Variants in SV2B observed in about 807,000 individuals in gnomAD.
SV2B encodes solute carrier family 22 member B2.
SV2B carries 41 observed loss-of-function variants against 73.9 expected under a neutral mutation model. The observed-to-expected ratio is 0.56, with a 90% CI of 0.43 to 0.72. The LOEUF (loss-of-function observed/expected upper bound fraction) is 0.72, where lower values mean the gene tolerates loss of function less well. Among genes scored for constraint, SV2B ranks in the 30% least tolerant of loss-of-function variants. The pLI is 0.00. For missense variants in SV2B, 764 were observed against 857.8 expected (o/e 0.89, Z 1.37); for synonymous variants, 314 against 314.2 (o/e 1.00, Z 0.01).
At position 91,229,907 on chromosome 15, in the gene SV2B, A is replaced by T. The variant is rs1235680469; in HGVS notation, c.451+3193A>T. 6.6e-6 allele frequency among the ~76,000 whole-genome samples: 1 copy of T among 152,162 alleles called. No individual in the cohort carries two copies. Among genetic ancestry groups the T allele is most frequent in the Non-Finnish European group, 1.5e-5 (1 of 68,020 alleles). ...AGGCTGTTTATGTTTGAGTGCTGCT[A>T]ACTCAGTTCTGTCTTTCCCCATCCT... On this transcript the variant is annotated intron_variant, in intron 2 of 12. Coordinates refer to ENST00000394232, the MANE Select transcript of SV2B (RefSeq NM_001323032.3). The surrounding 1 kb of genome is among the most constrained non-coding windows in gnomAD (Gnocchi z 4.3).
At position 91,136,996 on chromosome 15, in the gene SV2B, C is replaced by A. The variant is rs1288250994; in HGVS notation, c.-392+36633C>A. Among the ~76,000 whole-genome samples, 1 of 152,100 alleles carries A rather than the reference C, an allele frequency of 6.6e-6. No homozygotes were observed. The highest frequency in any genetic ancestry group is 2.4e-5 in the African/African-American group (1 of 41,400). On this transcript the variant is annotated intron_variant, in intron 1 of 12. Transcript: ENST00000394232. This position sits in a 1 kb window ranked among gnomAD's most constrained non-coding sequence, Gnocchi z 5.6. ...AAAATTTGATCCACGCAGAAGACAA[C>A]CTGCAGGCAAAGCAAAAGCACTGGT...
In SV2B at chr15:91,292,764, C is replaced by T. The variant is rs1267673183; in HGVS notation, c.*212C>T. Reference sequence around the variant, plus strand: ...GGGTGCCCTGAGCCACCCTTAGAATCACAGAGCTGCGTGTTTAACTTCAAG... The same window carrying T: ...GGGTGCCCTGAGCCACCCTTAGAATTACAGAGCTGCGTGTTTAACTTCAAG... On this transcript the variant is annotated 3_prime_UTR_variant, in exon 13 of 13. Transcript: ENST00000394232. The T allele has an allele frequency of 4.0e-6, 2 of 505,866 alleles. No individual in the cohort carries two copies. Among genetic ancestry groups the T allele is most frequent in the Non-Finnish European group, 6.8e-6 (2 of 295,690 alleles). 31.3% of individuals were successfully genotyped at this position (505,866 alleles called of 1,614,324 possible).
chr15:91,110,225 A>G lies in SV2B; in HGVS notation c.-392+9862A>G, dbSNP rs1237104802. Among the ~76,000 whole-genome samples, 8 of 152,214 alleles carry G rather than the reference A, an allele frequency of 5.3e-5. No individual in the cohort carries two copies. Among genetic ancestry groups the G allele is most frequent in the Non-Finnish European group, 1.2e-4 (8 of 68,032 alleles). On this transcript the variant is annotated intron_variant, in intron 1 of 12. Coordinates refer to ENST00000394232, the MANE Select transcript of SV2B (RefSeq NM_001323032.3). The surrounding 1 kb of genome is among the most constrained non-coding windows in gnomAD (Gnocchi z 5.4). Reference sequence around the variant, plus strand: ...TGTAATTTATAAGAAAAGAGGTTTAATTGGCTCCTGGATTCATACAGTAAG... The same window carrying G: ...TGTAATTTATAAGAAAAGAGGTTTAGTTGGCTCCTGGATTCATACAGTAAG...
Position 91,292,382 on chromosome 15 carries a change from G to A in SV2B, c.1882G>A (p.Gly628Ser), listed in dbSNP as rs369020412. ...YPTNQRATAF[G>S]ILNGLCKFGA... ...CCTCTTTTACAGAGCAACAGCCTTC[G>A]GCATTCTCAATGGATTATGCAAATT... Residue 628 changes from glycine (G) to serine (S), a missense_variant, in exon 13 of 13, where the codon GGC becomes AGC. By Grantham distance (56) the Gly-to-Ser change is moderately conservative (BLOSUM62 0). Coordinates refer to ENST00000394232, the MANE Select transcript of SV2B (RefSeq NM_001323032.3). 4 of 1,613,716 alleles carry A rather than the reference G, an allele frequency of 2.5e-6. No individual in the cohort carries two copies. In the African/African-American group the frequency reaches 4.0e-5, roughly 16 times the overall value.
At chr15:91,243,446 G>T (rs1398881754) in intron 2 of SV2B, among the ~76,000 whole-genome samples, 2 of 152,190 alleles carry the variant, frequency 1.3e-5, no homozygotes, top group Non-Finnish European at 2.9e-5. Flanking sequence ...TTTAGCCTGA[G>T]AGAAGATTAA....
chr15:91,196,039 T>A (rs982016048), intron 1 of SV2B, among the ~76,000 whole-genome samples: 4 of 152,248 alleles, frequency 2.6e-5, no homozygotes, highest in Non-Finnish European at 5.9e-5. Flanking sequence ...AGTGTTTAAG[T>A]GCTTTAGGCT....
chr15:91,174,558 CT>C (rs1303529210), intron 1 of SV2B, among the ~76,000 whole-genome samples: 3 of 152,158 alleles, frequency 2.0e-5, no homozygotes, highest in African/African-American at 7.2e-5. Flanking sequence ...CTTCCATTAT[CT>C]TTGTGATTAA....
Position 91,239,739 on chromosome 15 carries a change from C to G in SV2B, c.452-12080C>G, listed in dbSNP as rs996967472. 6.6e-6 allele frequency among the ~76,000 whole-genome samples: 1 copy of G among 152,142 alleles called. No individual in the cohort carries two copies. Among genetic ancestry groups the G allele is most frequent in the African/African-American group, 2.4e-5 (1 of 41,420 alleles). The stretch of plus-strand genomic sequence containing the variant: ...GCTTCTGGTAACAATAGCTTTGAAT[C>G]ATAAAGATACTCATTATTTATTGAT... On this transcript the variant is annotated intron_variant, in intron 2 of 12. Transcript: ENST00000394232. The surrounding 1 kb of genome is among the most constrained non-coding windows in gnomAD (Gnocchi z 5.1).
In SV2B at chr15:91,302,509, A is replaced by G. The variant is rs2049472843; in HGVS notation, c.*9957A>G. Among the ~76,000 whole-genome samples the G allele has an allele frequency of 6.6e-6, 1 of 152,196 alleles. No individual in the cohort carries two copies. On this transcript the variant is annotated 3_prime_UTR_variant, in exon 13 of 13. Coordinates refer to ENST00000394232, the MANE Select transcript of SV2B (RefSeq NM_001323032.3). ...GAAAGTAGCTATGTGAATTTGCCAAATAGAAATCTTGGAGGCCAGGTGCAG... is the reference window on the plus strand; with the variant it reads ...GAAAGTAGCTATGTGAATTTGCCAAGTAGAAATCTTGGAGGCCAGGTGCAG...
chr15:91,117,632 A>G (rs544549182), intron 1 of SV2B, among the ~76,000 whole-genome samples: 2 of 152,304 alleles, frequency 1.3e-5, no homozygotes, highest in East Asian at 3.9e-4. Flanking sequence ...GGACATGAGG[A>G]ATGTTAAACT....
At position 91,190,920 on chromosome 15, in the gene SV2B, T is replaced by G. The variant is rs187056242; in HGVS notation, c.-391-34953T>G. Among the ~76,000 whole-genome samples, 86 of 152,138 alleles carry G rather than the reference T, an allele frequency of 5.7e-4. 1 individual carries two copies. Among genetic ancestry groups the G allele is most frequent in the Admixed American group, 4.2e-3 (64 of 15,288 alleles). ...TTTGGATATTATATTATTTAGAGGA[T>G]TTTGTTCATGATCATTATAGTTTCT... On this transcript the variant is annotated intron_variant, in intron 1 of 12. Transcript: ENST00000394232.
intron 1 of SV2B, among the ~76,000 whole-genome samples, chr15:91,102,614 G>C (rs575610673): frequency 3.2e-4 from 48 of 152,326 alleles, no homozygotes; most frequent in African/African-American, 1.2e-3. Context: ...ATGAGAGAGT[G>C]TGTGTATGTG....
chr15:91,151,004 G>C (rs2043299174), intron 1 of SV2B, among the ~76,000 whole-genome samples: 1 of 152,220 alleles, frequency 6.6e-6, no homozygotes, highest in South Asian at 2.1e-4. Context: ...GCCTGGGAGG[G>C]GGCATGGGTT....
At position 91,265,848 on chromosome 15, in the gene SV2B, G is replaced by C. The variant is rs2048080787; in HGVS notation, c.1009-734G>C. 6.6e-6 allele frequency among the ~76,000 whole-genome samples: 1 copy of C among 152,206 alleles called. No individual in the cohort carries two copies. The highest frequency in any genetic ancestry group is 1.5e-5 in the Non-Finnish European group (1 of 68,036). ...TTCTCAAATTCTCCCAAAAGCTTAA[G>C]AACCACTGTTTTGGCTGGGCGCAGT... On this transcript the variant is annotated intron_variant, in intron 6 of 12. Transcript: ENST00000394232. The surrounding 1 kb of genome is among the most constrained non-coding windows in gnomAD (Gnocchi z 4.2).
intron 1 of SV2B, among the ~76,000 whole-genome samples, chr15:91,176,504 C>T (rs1219514750): frequency 2.0e-5 from 3 of 152,156 alleles, no homozygotes; most frequent in Non-Finnish European, 4.4e-5. Context: ...TACAGTCCCA[C>T]CAACAGTGTA....
rs1268097984 is a variant in SV2B at position 91,292,631 on chromosome 15, G to A, written c.*79G>A. ...GCATCCACACTTCCTGCCTATCACG[G>A]TCCGGAGGACACCTTGGATAGCACG... On this transcript the variant is annotated 3_prime_UTR_variant, in exon 13 of 13. Transcript: ENST00000394232. The A allele has an allele frequency of 3.7e-5, 56 of 1,509,684 alleles. No homozygotes were observed. In the East Asian group the frequency reaches 1.2e-3, roughly 33 times the overall value. 93.5% of individuals were successfully genotyped at this position (1,509,684 alleles called of 1,614,324 possible). A position where few individuals can be genotyped will look rare whatever the true frequency, so the allele number is the denominator to read the frequency against.
At chr15:91,119,726 C>T (rs1029882431) in intron 1 of SV2B, among the ~76,000 whole-genome samples, 5 of 152,196 alleles carry the variant, frequency 3.3e-5, no homozygotes, top group African/African-American at 1.2e-4. Context: ...TATGCATGTG[C>T]CCCTCAATGC....
intron 1 of SV2B, among the ~76,000 whole-genome samples, chr15:91,217,245 G>A (rs930359278): frequency 6.6e-6 from 1 of 152,162 alleles, no homozygotes; most frequent in African/African-American, 2.4e-5. Context: ...AAGACTGTTT[G>A]GTTTTGGTGA....
intron 1 of SV2B, among the ~76,000 whole-genome samples, chr15:91,165,941 A>G (rs1392763729): frequency 6.6e-6 from 1 of 152,208 alleles, no homozygotes. Context: ...ATCTGTAAAT[A>G]TCTTTATTTT....
Sources: gnomAD v4.1 joint callset for allele counts (sites outside exome capture counted in the v4.1 genomes callset) on GRCh38, gnomAD v4.1.1 for gene constraint, Gnocchi (gnomAD v3.1) non-coding constraint, MANE v1.5 for transcripts, NCBI Gene and HGNC (gene_info 2026-07-23, HGNC 2026-07-21) for gene names.